NPAS3: variants seen among roughly 807,000 people sequenced by gnomAD.
NPAS3 encodes the protein neuronal PAS domain protein 3, also known as neuronal PAS domain-containing protein 3.
A neutral mutation model predicts 73.1 loss-of-function variants in NPAS3; 14 were observed. The observed-to-expected ratio is 0.19, with a 90% confidence interval of 0.13 to 0.30. NPAS3 has a LOEUF of 0.30. Among genes scored for constraint, NPAS3 ranks in the 10% least tolerant of loss-of-function variants. The probability of loss-of-function intolerance (pLI) is 1.00; values close to 1 mark genes in which losing one functional copy is unlikely to be tolerated. For synonymous variants in NPAS3, 620 were observed against 541.5 expected, an observed-to-expected ratio of 1.14 and a Z score of -2.01; for missense variants, 1,096 against 1,250.0, an observed-to-expected ratio of 0.88 and a Z score of 1.86.
At chr14:33,414,827 G>A (rs2048082278) in intron 4 of NPAS3, among the ~76,000 whole-genome samples, 1 of 152,094 alleles carries the variant, frequency 6.6e-6, no homozygotes, top group Non-Finnish European at 1.5e-5. Context: ...AGAATTACTG[G>A]TCAAAATCAG....
intron 4 of NPAS3, among the ~76,000 whole-genome samples, chr14:33,533,939 C>CCTGATATT (rs1201987067): frequency 6.6e-6 from 1 of 151,646 alleles, no homozygotes; most frequent in Non-Finnish European, 1.5e-5. Flanking sequence ...CAGGTATTTC[C>CCTGATATT]CTGATATTCT....
At chr14:33,093,379 C>T (rs1431578482) in intron 2 of NPAS3, among the ~76,000 whole-genome samples, 1 of 152,198 alleles carries the variant, frequency 6.6e-6, no homozygotes, top group Non-Finnish European at 1.5e-5. Flanking sequence ...TGCTCATCAT[C>T]ACTGGCCATC....
intron 2 of NPAS3, among the ~76,000 whole-genome samples, chr14:33,118,831 G>T (rs751610890): frequency 6.6e-6 from 1 of 151,710 alleles, no homozygotes; most frequent in African/African-American, 2.4e-5. Context: ...CGTTTGCCTG[G>T]AGAATTCCTT....
chr14:33,798,915 C>T (rs553879221), intron 11 of NPAS3, among the ~76,000 whole-genome samples: 21 of 140,572 alleles, frequency 1.5e-4, no homozygotes, highest in Admixed American at 9.6e-4. Context: ...CTGAGGTGGG[C>T]GCATTGCTTG....
At chr14:33,173,329 A>C (rs767592203) in intron 2 of NPAS3, among the ~76,000 whole-genome samples, 1 of 152,208 alleles carries the variant, frequency 6.6e-6, no homozygotes. Flanking sequence ...TTAATGATAA[A>C]TGTATGCCAT....
intron 2 of NPAS3, among the ~76,000 whole-genome samples, chr14:33,090,437 A>G (rs1191897951): frequency 1.3e-5 from 2 of 152,362 alleles, no homozygotes; most frequent in African/African-American, 4.8e-5. Flanking sequence ...CAATTCAATG[A>G]GAAGAGCTAA....
intron 5 of NPAS3, among the ~76,000 whole-genome samples, chr14:33,646,568 T>C (rs1380745593): frequency 6.6e-6 from 1 of 152,236 alleles, no homozygotes; most frequent in Non-Finnish European, 1.5e-5. Flanking sequence ...TCATGTGATC[T>C]CATAGTCCTT....
chr14:33,631,551 C>A (rs1405334248), intron 5 of NPAS3, among the ~76,000 whole-genome samples: 1 of 152,188 alleles, frequency 6.6e-6, no homozygotes, highest in Non-Finnish European at 1.5e-5. Flanking sequence ...GTGGCCTTTA[C>A]ACTGACAGTT....
chr14:33,071,646 G>A (rs2041488966), intron 2 of NPAS3, among the ~76,000 whole-genome samples: 1 of 152,110 alleles, frequency 6.6e-6, no homozygotes, highest in South Asian at 2.1e-4. Context: ...TTACTGTTTA[G>A]CATATACGAA....
intron 3 of NPAS3, among the ~76,000 whole-genome samples, chr14:33,334,626 C>T (rs1008163421): frequency 1.3e-5 from 2 of 152,198 alleles, no homozygotes; most frequent in East Asian, 1.9e-4. Context: ...CAGTCTGATT[C>T]GAGTCAAAGA....
At chr14:33,615,824 A>T (rs552704203) in intron 5 of NPAS3, among the ~76,000 whole-genome samples, 2 of 152,338 alleles carry the variant, frequency 1.3e-5, no homozygotes, top group Non-Finnish European at 2.9e-5. Context: ...TGCCCTACAT[A>T]TCAACCTAGT....
chr14:33,250,101 C>T (rs1566723523), intron 3 of NPAS3, among the ~76,000 whole-genome samples: 1 of 152,076 alleles, frequency 6.6e-6, no homozygotes, highest in African/African-American at 2.4e-5. Context: ...TTTGCAGTTA[C>T]ATCGGGGTAG....
chr14:33,547,502 G>C (rs1160118489), intron 4 of NPAS3, among the ~76,000 whole-genome samples: 1 of 152,112 alleles, frequency 6.6e-6, no homozygotes, highest in Admixed American at 6.5e-5. Context: ...ACTGCCCTGG[G>C]TTCACATACA....
chr14:33,455,194 C>T (rs1443283654), intron 4 of NPAS3, among the ~76,000 whole-genome samples: 1 of 152,150 alleles, frequency 6.6e-6, no homozygotes, highest in Non-Finnish European at 1.5e-5. Flanking sequence ...ACAAACAAAG[C>T]TTTGGTTTAC....
intron 1 of NPAS3, among the ~76,000 whole-genome samples, chr14:32,941,291 C>T (rs1481264587): frequency 4.6e-5 from 2 of 43,454 alleles, no homozygotes; most frequent in African/African-American, 2.1e-4. Flanking sequence ...CTCCCTCCCT[C>T]CCTCCCTCCC....
chr14:33,404,327 C>G (rs2047571931), intron 4 of NPAS3, among the ~76,000 whole-genome samples: 1 of 152,020 alleles, frequency 6.6e-6, no homozygotes, highest in Non-Finnish European at 1.5e-5. Context: ...TACTCTTTTA[C>G]TTTTTTGGCT....
In NPAS3 at chr14:33,793,040, C is replaced by T. The variant is rs549091489; in HGVS notation, c.1154-857C>T. Among the ~76,000 whole-genome samples, 6 of 152,322 alleles carry T rather than the reference C, an allele frequency of 3.9e-5. No individual in the cohort carries two copies. The South Asian group carries it at 8.3e-4, about 21-fold the overall frequency. ...TCCCCTTTTACTAGCTCAGGAGTAC[C>T]CAGATACAAATCAAATCAATTTCAA... On this transcript the variant is annotated intron_variant, in intron 9 of 11. Coordinates refer to ENST00000356141, the Ensembl canonical transcript of NPAS3.
chr14:33,233,301 T>C (rs555546481), intron 3 of NPAS3, among the ~76,000 whole-genome samples: 2 of 152,250 alleles, frequency 1.3e-5, no homozygotes, highest in South Asian at 4.1e-4. Context: ...GAATGGCCTT[T>C]AGCATAGCTA....
At chr14:33,725,408 G>A (rs892663828) in intron 6 of NPAS3, among the ~76,000 whole-genome samples, 3 of 152,124 alleles carry the variant, frequency 2.0e-5, no homozygotes, top group Non-Finnish European at 4.4e-5. Flanking sequence ...AAATAAGATT[G>A]CGAGAAGACA....
Sources: gnomAD v4.1 joint callset for allele counts (sites outside exome capture counted in the v4.1 genomes callset) on GRCh38, gnomAD v4.1.1 for gene constraint, MANE v1.5 for transcripts, NCBI Gene and HGNC (gene_info 2026-07-23, HGNC 2026-07-21) for gene names.